Variants in ADAMTS19 observed in about 807,000 individuals in gnomAD.
ADAMTS19 encodes ADAM metallopeptidase with thrombospondin type 1 motif 19, also known as A disintegrin and metalloproteinase with thrombospondin motifs 19.
In ADAMTS19, 93 loss-of-function variants were observed where a neutral mutation model predicts 153.3. The ratio of observed to expected loss-of-function variants is 0.61; its 90% CI spans 0.51 to 0.72. ADAMTS19 has a LOEUF of 0.72. Among genes scored for constraint, ADAMTS19 ranks in the 30% least tolerant of loss-of-function variants. ADAMTS19 has a pLI of 0.00. For synonymous variants in ADAMTS19, 600 were observed against 556.6 expected (o/e 1.08, Z -1.10); for missense variants, 1,482 against 1,552.1 (o/e 0.95, Z 0.76).
chr5:129,629,802 C>T (rs1752209307), intron 10 of ADAMTS19, among the ~76,000 whole-genome samples: 1 of 152,028 alleles, frequency 6.6e-6, no homozygotes, highest in South Asian at 2.1e-4. Flanking sequence ...TGTGGCTGAG[C>T]CAGCTCCAAC....
intron 6 of ADAMTS19, among the ~76,000 whole-genome samples, chr5:129,550,778 T>C (rs1753063115): frequency 6.6e-6 from 1 of 151,602 alleles, no homozygotes; most frequent in African/African-American, 2.4e-5. Context: ...TTTAAAAGGA[T>C]AATTTTACAT....
intron 2 of ADAMTS19, among the ~76,000 whole-genome samples, chr5:129,488,944 A>C (rs1750680582): frequency 6.6e-6 from 1 of 152,012 alleles, no homozygotes; most frequent in South Asian, 2.1e-4. Flanking sequence ...ATATTGGCCC[A>C]ATTGGCTTCA....
At chr5:129,546,387 A>T (rs139489295) in intron 6 of ADAMTS19, among the ~76,000 whole-genome samples, 2,679 of 150,410 alleles carry the variant, frequency 0.018, 227 homozygotes, top group African/African-American at 0.06. Context: ...AAAGTATAAT[A>T]AAAAAAATTA....
chr5:129,523,758 A>T (rs2126756574), intron 3 of ADAMTS19, among the ~76,000 whole-genome samples: 1 of 152,280 alleles, frequency 6.6e-6, no homozygotes, highest in East Asian at 1.9e-4. Flanking sequence ...CTTGCAAGGG[A>T]CATGAAGGAC....
At chr5:129,693,843 C>T (rs1755441905) in intron 18 of ADAMTS19, among the ~76,000 whole-genome samples, 1 of 151,834 alleles carries the variant, frequency 6.6e-6, no homozygotes, top group Non-Finnish European at 1.5e-5. Context: ...GGTAAGAGTC[C>T]CATTTCTTTT....
intron 10 of ADAMTS19, among the ~76,000 whole-genome samples, chr5:129,626,311 A>G (rs1752044119): frequency 6.6e-6 from 1 of 152,126 alleles, no homozygotes; most frequent in South Asian, 2.1e-4. Flanking sequence ...TGTCTCCTAT[A>G]GCACCTATAC....
intron 2 of ADAMTS19, among the ~76,000 whole-genome samples, chr5:129,498,812 T>G (rs76708132): frequency 4.6e-5 from 7 of 151,498 alleles, no homozygotes; most frequent in African/African-American, 1.7e-4. Flanking sequence ...TTTTTTTTTT[T>G]TGATCTTTCT....
chr5:129,539,377 A>G (rs986371178), intron 6 of ADAMTS19, among the ~76,000 whole-genome samples: 3 of 152,094 alleles, frequency 2.0e-5, no homozygotes, highest in Non-Finnish European at 4.4e-5. Flanking sequence ...GAATGCCAGC[A>G]ATGTCTAGAA....
intron 11 of ADAMTS19, 52 bp downstream of exon 11, chr5:129,642,012 G>T: frequency 8.6e-7 from 1 of 1,163,054 alleles, no homozygotes; most frequent in Non-Finnish European, 1.2e-6. Context: ...TGAAACTTGA[G>T]AATCTTGCAT....
chr5:129,488,365 A>G (rs1038609032), intron 2 of ADAMTS19, among the ~76,000 whole-genome samples: 2 of 152,088 alleles, frequency 1.3e-5, no homozygotes. Context: ...TTTCTTGACT[A>G]AACTTTACAC....
Position 129,657,872 on chromosome 5 carries a change from TAA to T in ADAMTS19, c.2305-743_2305-742del, listed in dbSNP as rs572009337. On this transcript the variant is annotated intron_variant, in intron 14 of 22. Coordinates refer to ENST00000274487, the MANE Select transcript of ADAMTS19 (RefSeq NM_133638.6). ...CTGTTCCTTGTTGAGTAGAAGAAAT[TAA>T]ACTAATCATGTTGTATTTAATAGAA... is the stretch of plus-strand genomic sequence containing the variant. Among the ~76,000 whole-genome samples, 26 of 152,346 alleles carry T rather than the reference TAA, an allele frequency of 1.7e-4. No homozygotes were observed. The South Asian group carries it at 5.2e-3, about 30-fold the overall frequency.
In ADAMTS19 at chr5:129,461,749, G is replaced by T; in HGVS notation, c.739G>T (p.Gly247Cys). The T allele has an allele frequency of 6.7e-7, 1 of 1,496,390 alleles. No individual in the cohort carries two copies. Among genetic ancestry groups the T allele is most frequent in the Non-Finnish European group, 8.8e-7 (1 of 1,130,004 alleles). The allele number at this position is 1,496,390 out of a possible 1,614,324, so 92.7% of individuals were successfully genotyped here. Residue 247 changes from glycine (G) to cysteine (C), a missense_variant, in exon 2 of 23, where the codon GGT becomes TGT. Gly to Cys is a radical substitution (Grantham distance 159). This residue lies in a region of ADAMTS19 where 866 missense variants were observed against 827.7 expected (regional missense o/e 1.05). Transcript: ENST00000274487. This position sits in a 1 kb window ranked among gnomAD's most constrained non-coding sequence, Gnocchi z 4.6. ...GCTGGCTTCTTTCAGCACCTGTGGA[G>T]GTGGCCTGGTAAGCGCCTTCTTTCC... is the stretch of plus-strand genomic sequence containing the variant. ...GSLASFSTCG[G>C]GLMGFIQLNE...
In ADAMTS19 at chr5:129,461,707, C is replaced by G; in HGVS notation, c.697C>G (p.Leu233Val). ...DAGCFYTGAV[L>V]RHPGSLASFS... ...AGGCTGCTTCTACACCGGAGCTGTGCTGCGGCACCCTGGCTCGCTGGCTTC... is the reference window on the plus strand; with the variant it reads ...AGGCTGCTTCTACACCGGAGCTGTGGTGCGGCACCCTGGCTCGCTGGCTTC... Residue 233 changes from leucine to valine, a missense_variant, in exon 2 of 23, where the codon CTG (leucine) becomes GTG (valine). Leu to Val is a conservative substitution (Grantham distance 32). This residue lies in a region of ADAMTS19 where 866 missense variants were observed against 827.7 expected (regional missense o/e 1.05). Coordinates refer to ENST00000274487, the MANE Select transcript of ADAMTS19 (RefSeq NM_133638.6). This position sits in a 1 kb window ranked among gnomAD's most constrained non-coding sequence, Gnocchi z 4.6. The G allele has an allele frequency of 6.5e-7, 1 of 1,526,920 alleles. No individual in the cohort carries two copies. The highest frequency in any genetic ancestry group is 8.8e-7 in the Non-Finnish European group (1 of 1,141,910). 94.6% of individuals were successfully genotyped at this position (1,526,920 alleles called of 1,614,324 possible).
At chr5:129,504,472 A>C (rs1354053654) in intron 2 of ADAMTS19, among the ~76,000 whole-genome samples, 1 of 152,192 alleles carries the variant, frequency 6.6e-6, no homozygotes, top group African/African-American at 2.4e-5. Flanking sequence ...AAATCAATTA[A>C]TGTGTCTGTT....
intron 11 of ADAMTS19, among the ~76,000 whole-genome samples, chr5:129,642,715 T>C (rs1752849269): frequency 6.6e-6 from 1 of 152,184 alleles, no homozygotes; most frequent in African/African-American, 2.4e-5. Context: ...TGAATGTGTA[T>C]TACATTTGAA....
At chr5:129,671,266 A>T (rs1349998677) in intron 16 of ADAMTS19, among the ~76,000 whole-genome samples, 1 of 152,190 alleles carries the variant, frequency 6.6e-6, no homozygotes, top group Non-Finnish European at 1.5e-5. Flanking sequence ...GAACTGATGG[A>T]ACTTGCTGAA....
chr5:129,590,570 A>G (rs550281490), intron 7 of ADAMTS19, among the ~76,000 whole-genome samples: 2 of 152,324 alleles, frequency 1.3e-5, no homozygotes, highest in South Asian at 4.1e-4. Flanking sequence ...TTAAACATTT[A>G]AGAAAATCTA....
At position 129,460,318 on chromosome 5, in the gene ADAMTS19, A is replaced by G; in HGVS notation, c.-74A>G. 1 of 1,019,134 alleles carries G rather than the reference A, an allele frequency of 9.8e-7. No homozygotes were observed. Among genetic ancestry groups the G allele is most frequent in the East Asian group, 5.9e-5 (1 of 16,914 alleles). 63.1% of individuals were successfully genotyped at this position (1,019,134 alleles called of 1,614,324 possible). On this transcript the variant is annotated 5_prime_UTR_variant, in exon 1 of 23. Transcript: ENST00000274487. ...CGCCCGGCCTCCTAGCGCTCCGGGGAGGCCGCTGCGCCCCGGAGTGGATCG... is the reference window on the plus strand; with the variant it reads ...CGCCCGGCCTCCTAGCGCTCCGGGGGGGCCGCTGCGCCCCGGAGTGGATCG...
chr5:129,607,935 G>T (rs528146869), intron 8 of ADAMTS19, among the ~76,000 whole-genome samples: 1 of 149,176 alleles, frequency 6.7e-6, no homozygotes, highest in African/African-American at 2.5e-5. Flanking sequence ...TGTGGTGTGT[G>T]TGTGTGTATG....
Sources: allele counts gnomAD v4.1 joint callset (sites outside exome capture counted in the v4.1 genomes callset), GRCh38; gene constraint gnomAD v4.1.1; regional missense constraint gnomAD v4.1.1; non-coding constraint Gnocchi (gnomAD v3.1); transcripts MANE v1.5; gene names NCBI Gene and HGNC (gene_info 2026-07-23, HGNC 2026-07-21).